The following EXTL1 variants were observed in gnomAD, a reference collection of about 807,000 sequenced individuals.
EXTL1 encodes the protein exostosin like glycosyltransferase 1.
A neutral mutation model predicts 64.6 loss-of-function variants in EXTL1; 43 were observed. The ratio of observed to expected loss-of-function variants is 0.67; its 90% CI spans 0.52 to 0.86. The LOEUF is 0.86. Among genes scored for constraint, EXTL1 ranks in the 40% least tolerant of loss-of-function variants. The probability of loss-of-function intolerance (pLI) is 0.00; values close to 1 mark genes in which losing one functional copy is unlikely to be tolerated. For synonymous variants in EXTL1, 352 were observed against 360.5 expected, an observed-to-expected ratio of 0.98 and a Z score of 0.27; for missense variants, 766 against 879.0, an observed-to-expected ratio of 0.87 and a Z score of 1.62.
In EXTL1 at chr1:26,035,463, GC is replaced by G; in HGVS notation, c.*119del. ...GAGAACCTATCATGTCAGCCAGCGGGCCCACACGTCGGACCCCGGTTGGCCA... is the reference window on the plus strand; with the variant it reads ...GAGAACCTATCATGTCAGCCAGCGGGCCACACGTCGGACCCCGGTTGGCCA... On this transcript the variant is annotated 3_prime_UTR_variant, in exon 11 of 11. Transcript: ENST00000374280. The surrounding 1 kb of genome is among the most constrained non-coding windows in gnomAD (Gnocchi z 5.3). 6.1e-6 allele frequency: 6 copies of G among 988,006 alleles called. No homozygotes were observed. Among genetic ancestry groups the G allele is most frequent in the African/African-American group, 1.6e-5 (1 of 61,240 alleles). 61.2% of individuals were successfully genotyped at this position (988,006 alleles called of 1,614,324 possible). A position where few individuals can be genotyped will look rare whatever the true frequency, so the allele number is the denominator to read the frequency against.
At chr1:26,023,730 G>C (rs1378310096) in intron 1 of EXTL1, among the ~76,000 whole-genome samples, 1 of 152,118 alleles carries the variant, frequency 6.6e-6, no homozygotes, top group East Asian at 1.9e-4. Flanking sequence ...ACATACAGTT[G>C]TATAGTGCTT....
In EXTL1 at chr1:26,029,290, C is replaced by G. The variant is rs1350722314; in HGVS notation, c.873+4C>G. The G allele has an allele frequency of 6.2e-7, 1 of 1,611,610 alleles. No homozygotes were observed. Among genetic ancestry groups the G allele is most frequent in the East Asian group, 2.2e-5 (1 of 44,850 alleles). Reference sequence around the variant, plus strand: ...GCGCTTCCTCCAAGCCCTGCAGGTACAACCCCAATTTGAGCATCACCCATC... The same window carrying G: ...GCGCTTCCTCCAAGCCCTGCAGGTAGAACCCCAATTTGAGCATCACCCATC... On this transcript the variant is annotated splice_donor_region_variant and intron_variant, in intron 2 of 10. Transcript: ENST00000374280.
In EXTL1 at chr1:26,033,639, G is replaced by A; in HGVS notation, c.1519-57G>A. The A allele has an allele frequency of 1.3e-6, 2 of 1,572,298 alleles. No individual in the cohort carries two copies. Among genetic ancestry groups the A allele is most frequent in the South Asian group, 2.3e-5 (2 of 85,320 alleles). On this transcript the variant is annotated intron_variant, in intron 8 of 10. Coordinates refer to ENST00000374280, the MANE Select transcript of EXTL1 (RefSeq NM_004455.3). The surrounding 1 kb of genome is among the most constrained non-coding windows in gnomAD (Gnocchi z 5.1). ...AGGCTGCCCCTGCCTCCATTTCCCT[G>A]GATGTTCTAGGCATTTAGGAGGTCC...
intron 1 of EXTL1, among the ~76,000 whole-genome samples, chr1:26,024,520 G>C (rs2050193919): frequency 6.6e-6 from 1 of 152,100 alleles, no homozygotes; most frequent in South Asian, 2.1e-4. Context: ...CGGCCAAAGG[G>C]CTCTCGTGGG....
rs760353961 is a variant in EXTL1 at position 26,033,868 on chromosome 1, T to A, written c.1679+12T>A. 6.2e-7 allele frequency: 1 copy of A among 1,606,978 alleles called. No individual in the cohort carries two copies. Among genetic ancestry groups the A allele is most frequent in the Admixed American group, 1.7e-5 (1 of 59,186 alleles). On this transcript the variant is annotated intron_variant, in intron 9 of 10. Transcript: ENST00000374280. The surrounding 1 kb of genome is among the most constrained non-coding windows in gnomAD (Gnocchi z 5.1). Reference sequence around the variant, plus strand: ...GCCTTCTACCATAGGTACAGACCCCTACCCTGCACAGGGATCAGAGTATCA... The same window carrying A: ...GCCTTCTACCATAGGTACAGACCCCAACCCTGCACAGGGATCAGAGTATCA...
At chr1:26,027,693 A>AAAAAAAAAAAAAAAAAAAAAAAAAAAAAG (rs1553141858) in intron 1 of EXTL1, among the ~76,000 whole-genome samples, 22 of 131,550 alleles carry the variant, frequency 1.7e-4, no homozygotes, top group Non-Finnish European at 3.1e-4. Flanking sequence ...CATCTCTAAA[A>AAAAAAAAAAAAAAAAAAAAAAAAAAAAAG]AAAAAAAAAA....
rs2050259456 is a variant in EXTL1, at chr1:26,029,644, C to T, written c.918C>T (p.Pro306=). The T allele has an allele frequency of 1.2e-6, 2 of 1,612,044 alleles. No individual in the cohort carries two copies. Among genetic ancestry groups the T allele is most frequent in the Admixed American group, 1.7e-5 (1 of 59,936 alleles). ...TTCTCAGCCCCCGCTGGGAGCTGCC[C>T]TTCTCCGAGGTCATCGACTGGACCA... ...PVLLSPRWEL[P]FSEVIDWTKA... Residue 306 remains proline, a synonymous_variant, in exon 3 of 11, where the codon CCC becomes CCT. Coordinates refer to ENST00000374280, the MANE Select transcript of EXTL1 (RefSeq NM_004455.3).
chr1:26,030,365 C>G (rs1266930871), intron 3 of EXTL1, 111 bp from the exon 4 acceptor site: 52 of 457,638 alleles, frequency 1.1e-4, no homozygotes, highest in Non-Finnish European at 1.2e-4. Context: ...TAGGATCTTG[C>G]TCTGTTGCTC....
chr1:26,033,282 C>A lies in EXTL1; in HGVS notation c.1485C>A (p.Ser495Arg), dbSNP rs1273744422. ...CCATCAGAACAGATGCCATCCTCAG[C>A]CTCGATGCCCGCAGCAGTCTTTCCA... is the stretch of plus-strand genomic sequence containing the variant. ...YSTIRTDAILSLDARSSLSTS... is the reference protein window; with the variant it reads ...YSTIRTDAILRLDARSSLSTS... The change falls in exon 8 of 11, where the codon AGC becomes AGA. Residue 495 changes from serine (S) to arginine (R), a missense_variant. Around this residue, in one of 3 missense-constraint regions of EXTL1, gnomAD observed 571 missense variants for 647.6 expected, o/e 0.88. Transcript: ENST00000374280. The surrounding 1 kb of genome is among the most constrained non-coding windows in gnomAD (Gnocchi z 5.1). 6.2e-7 allele frequency: 1 copy of A among 1,614,076 alleles called. No homozygotes were observed. Among genetic ancestry groups the A allele is most frequent in the South Asian group, 1.1e-5 (1 of 91,076 alleles).
intron 1 of EXTL1, among the ~76,000 whole-genome samples, chr1:26,024,563 G>A (rs1484381681): frequency 6.6e-6 from 1 of 152,062 alleles, no homozygotes; most frequent in African/African-American, 2.4e-5. Flanking sequence ...AAGGTACATG[G>A]AGGCCTCCAG....
Position 26,029,253 on chromosome 1 carries a change from C to G in EXTL1, c.840C>G (p.Pro280=), listed in dbSNP as rs778633649. Residue 280 remains proline, a synonymous_variant, in exon 2 of 11, where the codon CCC becomes CCG. Transcript: ENST00000374280. The stretch of plus-strand genomic sequence containing the variant: ...TCTGCCTCATCTCTGGCCACCGTCC[C>G]GAGGCTGCCTCGCGCTTCCTCCAAG... The part of the protein sequence containing the change: ...ATFCLISGHR[P]EAASRFLQAL... 18 of 1,613,750 alleles carry G rather than the reference C, an allele frequency of 1.1e-5. No homozygotes were observed. The highest frequency in any genetic ancestry group is 3.3e-4 in the Middle Eastern group (2 of 6,082).
rs2124415619 is a variant in EXTL1 at position 26,035,524 on chromosome 1, G to A, written c.*177G>A. The A allele has an allele frequency of 2.0e-6, 1 of 491,064 alleles. No homozygotes were observed. The highest frequency in any genetic ancestry group is 3.6e-6 in the Non-Finnish European group (1 of 281,468). The allele number at this position is 491,064 out of a possible 1,614,324, so 30.4% of individuals were successfully genotyped here. A position where few individuals can be genotyped will look rare whatever the true frequency, so the allele number is the denominator to read the frequency against. ...GGGGGGCGTGGCCTTACCTTCTCCT[G>A]CTCGCCCTCAGCCGCGGAGCCTCTG... On this transcript the variant is annotated 3_prime_UTR_variant, in exon 11 of 11. Coordinates refer to ENST00000374280, the MANE Select transcript of EXTL1 (RefSeq NM_004455.3). The surrounding 1 kb of genome is among the most constrained non-coding windows in gnomAD (Gnocchi z 5.3).
At position 26,025,116 on chromosome 1, in the gene EXTL1, G is replaced by T. The variant is rs1485527128; in HGVS notation, c.779+1691G>T. 6.6e-6 allele frequency among the ~76,000 whole-genome samples: 1 copy of T among 152,226 alleles called. No individual in the cohort carries two copies. The highest frequency in any genetic ancestry group is 1.5e-5 in the Non-Finnish European group (1 of 68,042). On this transcript the variant is annotated intron_variant, in intron 1 of 10. Transcript: ENST00000374280. The surrounding 1 kb of genome is among the most constrained non-coding windows in gnomAD (Gnocchi z 5.3). ...GCCTCCGCCTCCCTGAAGGTGACAG[G>T]ACTTGTCATCTCTGGAGTGGTTTGA...
chr1:26,035,348 G>A lies in EXTL1; in HGVS notation c.*1G>A. The A allele has an allele frequency of 6.3e-7, 1 of 1,599,938 alleles. No individual in the cohort carries two copies. Among genetic ancestry groups the A allele is most frequent in the Non-Finnish European group, 8.5e-7 (1 of 1,170,514 alleles). The stretch of plus-strand genomic sequence containing the variant: ...GTACCGCAGCCTGGAGAAGCCCTAG[G>A]GGGGCGACCCGCGGAGACCCCAGCA... On this transcript the variant is annotated 3_prime_UTR_variant, in exon 11 of 11. Transcript: ENST00000374280. The surrounding 1 kb of genome is among the most constrained non-coding windows in gnomAD (Gnocchi z 5.3).
rs556438773 is a variant in EXTL1, at chr1:26,022,023, C to T, written c.-624C>T. 1.4e-3 allele frequency: 213 copies of T among 152,618 alleles called. 3 individuals are homozygous for T. The Middle Eastern group carries it at 0.023, about 17-fold the overall frequency. The allele number at this position is 152,618 out of a possible 1,614,324, so 9.5% of individuals were successfully genotyped here. A position where few individuals can be genotyped will look rare whatever the true frequency, so the allele number is the denominator to read the frequency against. ...GCACCCAGGCTGTGACCTCAGCTGA[C>T]GCCGATGATCCACATGGGATGCAGG... is the stretch of plus-strand genomic sequence containing the variant. On this transcript the variant is annotated 5_prime_UTR_variant, in exon 1 of 11. It adds an upstream start codon to the 5' untranslated region. Coordinates refer to ENST00000374280, the MANE Select transcript of EXTL1 (RefSeq NM_004455.3).
rs2050297849 is a variant in EXTL1 at position 26,032,452 on chromosome 1, T to G, written c.1398T>G (p.Ala466=). 1.3e-6 allele frequency: 2 copies of G among 1,553,604 alleles called. No homozygotes were observed. Among genetic ancestry groups the G allele is most frequent in the Non-Finnish European group, 1.7e-6 (2 of 1,148,154 alleles). ...RPLPSRWPET[A]VPLTVIDGHR... ...TCCCATCCAGGTGGCCGGAGACAGCTGTGCCCTTGACAGTCATTGATGGGC... is the reference window on the plus strand; with the variant it reads ...TCCCATCCAGGTGGCCGGAGACAGCGGTGCCCTTGACAGTCATTGATGGGC... The change falls in exon 7 of 11, where the codon GCT becomes GCG. Residue 466 remains alanine (A), a synonymous_variant. Coordinates refer to ENST00000374280, the MANE Select transcript of EXTL1 (RefSeq NM_004455.3).
At position 26,029,200 on chromosome 1, in the gene EXTL1, C is replaced by A. The variant is rs149608406; in HGVS notation, c.787C>A (p.Arg263Ser). ...EQDPGPGQTQ[R>S]QETLPNATFC... The stretch of plus-strand genomic sequence containing the variant: ...CCCCATGTGCCTCTTTAGGACCCAG[C>A]GCCAGGAGACGCTGCCCAATGCCAC... Residue 263 changes from arginine (R) to serine (S), a missense_variant, in exon 2 of 11, where the codon CGC becomes AGC. Around this residue, in one of 3 missense-constraint regions of EXTL1, gnomAD observed 571 missense variants for 647.6 expected, o/e 0.88. Coordinates refer to ENST00000374280, the MANE Select transcript of EXTL1 (RefSeq NM_004455.3). 5.0e-6 allele frequency: 8 copies of A among 1,612,898 alleles called. No individual in the cohort carries two copies. The highest frequency in any genetic ancestry group is 4.4e-5 in the South Asian group (4 of 91,032).
rs746469400 is a variant in EXTL1 at position 26,034,900 on chromosome 1, C to G, written c.1744C>G (p.Pro582Ala). The change falls in exon 10 of 11, where the codon CCC (proline) becomes GCC (alanine). Residue 582 changes from proline (P) to alanine (A), a missense_variant. Physicochemically the swap from Pro to Ala is conservative, Grantham distance 27. This residue lies in a region of EXTL1 where 194 missense variants were observed against 214.5 expected (regional missense o/e 0.90). Transcript: ENST00000374280. The surrounding 1 kb of genome is among the most constrained non-coding windows in gnomAD (Gnocchi z 4.6). The stretch of plus-strand genomic sequence containing the variant: ...TCTGAGGACCCTGGCAGATGAGGCA[C>G]CCACCTGTGTGGACGTCCTGATGAA... ...KALRTLADEA[P>A]TCVDVLMNFI... 3 of 1,614,082 alleles carry G rather than the reference C, an allele frequency of 1.9e-6. No individual in the cohort carries two copies. Among genetic ancestry groups the G allele is most frequent in the Non-Finnish European group, 2.5e-6 (3 of 1,180,030 alleles).
In EXTL1 at chr1:26,022,908, AC is replaced by A; in HGVS notation, c.264del (p.Ser89GlnfsTer136). 6.2e-7 allele frequency: 1 copy of A among 1,613,972 alleles called. No homozygotes were observed. On this transcript the variant is annotated frameshift_variant, in exon 1 of 11. Coordinates refer to ENST00000374280, the MANE Select transcript of EXTL1 (RefSeq NM_004455.3). LOFTEE classifies it high-confidence loss of function. Reference protein sequence around the residue: ...GSCNWESCFDTSKCRGDGLKV... With the variant: ...GSCNWESCFDXSKCRGDGLKV... The stretch of plus-strand genomic sequence containing the variant: ...CTGCAACTGGGAATCTTGCTTTGAT[AC>A]CTCAAAGTGCAGGGGCGATGGCCTT...
Sources: allele counts gnomAD v4.1 joint callset (sites outside exome capture counted in the v4.1 genomes callset), GRCh38; gene constraint gnomAD v4.1.1; regional missense constraint gnomAD v4.1.1; non-coding constraint Gnocchi (gnomAD v3.1); transcripts MANE v1.5; gene names NCBI Gene and HGNC (gene_info 2026-07-23, HGNC 2026-07-21).